The following MYO1D variants were observed in gnomAD, a reference collection of about 807,000 sequenced individuals.
MYO1D encodes the protein unconventional myosin-Id.
MYO1D carries 83 observed loss-of-function variants against 122.0 expected under a neutral mutation model. The observed-to-expected ratio is 0.68, with a 90% CI of 0.57 to 0.82. MYO1D has a LOEUF of 0.82. MYO1D is among the 40% of genes least tolerant of loss of function. The pLI is 0.00. For missense variants in MYO1D, 1,157 were observed against 1,269.5 expected, an observed-to-expected ratio of 0.91 and a Z score of 1.35; for synonymous variants, 464 against 446.9, an observed-to-expected ratio of 1.04 and a Z score of -0.48.
chr17:32,734,236 T>G (rs920850761), intron 14 of MYO1D, among the ~76,000 whole-genome samples: 8 of 152,176 alleles, frequency 5.3e-5, no homozygotes, highest in African/African-American at 1.9e-4. Flanking sequence ...TGAATTAATT[T>G]TGATAACTTT....
intron 16 of MYO1D, among the ~76,000 whole-genome samples, chr17:32,663,403 C>T (rs1373823236): frequency 6.6e-6 from 1 of 152,188 alleles, no homozygotes; most frequent in Non-Finnish European, 1.5e-5. Flanking sequence ...ATGGTTTATA[C>T]ACCTTATCCA....
chr17:32,668,238 G>A (rs1227090623), intron 16 of MYO1D, among the ~76,000 whole-genome samples: 1 of 152,178 alleles, frequency 6.6e-6, no homozygotes, highest in Non-Finnish European at 1.5e-5. Context: ...CATCTGAGCA[G>A]ATCCAAAGTG....
At position 32,843,441 on chromosome 17, in the gene MYO1D, C is replaced by T. The variant is rs148241317; in HGVS notation, c.95+33337G>A. Among the ~76,000 whole-genome samples the T allele has an allele frequency of 3.2e-4, 49 of 152,290 alleles. No individual in the cohort carries two copies. The East Asian group carries it at 8.5e-3, about 26-fold the overall frequency. On this transcript the variant is annotated intron_variant, in intron 1 of 21. Transcript: ENST00000318217. The stretch of plus-strand genomic sequence containing the variant: ...AAATGTATTCAAAGCTGCACAATAA[C>T]CTGCCAAATTAGTAATGGAATGTCA...
At chr17:32,677,351 A>C (rs2088827477) in intron 16 of MYO1D, among the ~76,000 whole-genome samples, 2 of 152,116 alleles carry the variant, frequency 1.3e-5, no homozygotes, top group African/African-American at 2.4e-5. Flanking sequence ...TCCATAATTA[A>C]AAATGTGTGA....
intron 14 of MYO1D, among the ~76,000 whole-genome samples, chr17:32,723,418 T>C (rs187005269): frequency 1.3e-5 from 2 of 152,208 alleles, no homozygotes; most frequent in Admixed American, 6.5e-5. Flanking sequence ...GCTGTTGCTA[T>C]GCAGAGGCCA....
At chr17:32,638,671 A>G (rs1247577280) in intron 20 of MYO1D, 51 bp downstream of exon 20, 1 of 1,319,162 alleles carries the variant, frequency 7.6e-7, no homozygotes, top group East Asian at 2.3e-5. Flanking sequence ...TTAGTGGTCC[A>G]TGAGCACCAG....
intron 14 of MYO1D, among the ~76,000 whole-genome samples, chr17:32,733,731 G>A (rs916860472): frequency 5.3e-5 from 8 of 152,048 alleles, no homozygotes; most frequent in Non-Finnish European, 2.9e-5. Context: ...GCAGCTTTAG[G>A]GGTTTTTTCC....
intron 16 of MYO1D, among the ~76,000 whole-genome samples, chr17:32,678,012 T>C (rs1452170969): frequency 1.3e-5 from 2 of 152,150 alleles, no homozygotes; most frequent in Non-Finnish European, 2.9e-5. Context: ...CACTGAACCT[T>C]GAAGAAATGG....
intron 21 of MYO1D, among the ~76,000 whole-genome samples, chr17:32,559,877 T>G (rs1352399595): frequency 2.6e-5 from 4 of 152,242 alleles, no homozygotes; most frequent in Non-Finnish European, 5.9e-5. Flanking sequence ...TTCTTGACTC[T>G]TCAGTGTCAC....
chr17:32,730,735 T>C (rs1316826837), intron 14 of MYO1D, among the ~76,000 whole-genome samples: 1 of 152,144 alleles, frequency 6.6e-6, no homozygotes, highest in Non-Finnish European at 1.5e-5. Flanking sequence ...ATATGCAGAT[T>C]TCTTTTAATT....
intron 1 of MYO1D, among the ~76,000 whole-genome samples, chr17:32,824,740 A>T (rs892235960): frequency 6.6e-6 from 1 of 152,214 alleles, no homozygotes; most frequent in Admixed American, 6.5e-5. Flanking sequence ...ATAGAAAACA[A>T]ACCATATACA....
At chr17:32,568,956 T>C (rs2087198608) in intron 21 of MYO1D, among the ~76,000 whole-genome samples, 1 of 152,208 alleles carries the variant, frequency 6.6e-6, no homozygotes, top group Non-Finnish European at 1.5e-5. Context: ...GACTGGGAAC[T>C]CCTTGAGGTT....
chr17:32,864,007 C>CTTTTTTTTTCTTT (rs2091101137), intron 1 of MYO1D, among the ~76,000 whole-genome samples: 1 of 48,960 alleles, frequency 2.0e-5, no homozygotes, highest in Non-Finnish European at 3.5e-5. Flanking sequence ...ACATTTCTTC[C>CTTTTTTTTTCTTT]TTTTTTTTTT....
At chr17:32,567,811 G>A (rs1210662235) in intron 21 of MYO1D, among the ~76,000 whole-genome samples, 1 of 152,158 alleles carries the variant, frequency 6.6e-6, no homozygotes, top group Non-Finnish European at 1.5e-5. Flanking sequence ...CATCATTGAG[G>A]CTGTGTCCGG....
At chr17:32,590,360 T>C (rs1296471040) in intron 21 of MYO1D, among the ~76,000 whole-genome samples, 2 of 152,234 alleles carry the variant, frequency 1.3e-5, no homozygotes, top group African/African-American at 4.8e-5. Context: ...TCATTTGCTC[T>C]GCCAGGGATC....
intron 7 of MYO1D, among the ~76,000 whole-genome samples, chr17:32,765,916 G>A (rs144716455): frequency 1.6e-3 from 240 of 149,920 alleles, no homozygotes; most frequent in African/African-American, 5.5e-3. Context: ...TTGAGACAGG[G>A]TCTGTCACCC....
At position 32,748,993 on chromosome 17, in the gene MYO1D, T is replaced by C. The variant is rs2089870097; in HGVS notation, c.1481A>G (p.Asp494Gly). 6.2e-7 allele frequency: 1 copy of C among 1,613,546 alleles called. No homozygotes were observed. Among genetic ancestry groups the C allele is most frequent in the Non-Finnish European group, 8.5e-7 (1 of 1,179,484 alleles). Residue 494 changes from aspartate to glycine, a missense_variant, in exon 12 of 22, where the codon GAC (aspartate) becomes GGC (glycine). By Grantham distance (94) the Asp-to-Gly change is moderately conservative. Coordinates refer to ENST00000318217, the MANE Select transcript of MYO1D (RefSeq NM_015194.3). ...HFSSRKLCAS[D>G]KILEFDRDFR... Reference sequence around the variant, plus strand: ...ATCTCGATCAAACTCCAGAATTTTGTCTGAGGCACAGAGCTAAGGAATCAA... The same window carrying C: ...ATCTCGATCAAACTCCAGAATTTTGCCTGAGGCACAGAGCTAAGGAATCAA...
At chr17:32,746,886 C>T (rs2089843665) in intron 12 of MYO1D, among the ~76,000 whole-genome samples, 1 of 152,176 alleles carries the variant, frequency 6.6e-6, no homozygotes, top group African/African-American at 2.4e-5. Context: ...ACTCATTCTG[C>T]ATAAGTTTCT....
chr17:32,596,520 A>G (rs1201507476), intron 21 of MYO1D, among the ~76,000 whole-genome samples: 2 of 152,218 alleles, frequency 1.3e-5, no homozygotes, highest in Non-Finnish European at 2.9e-5. Context: ...TGGCCTGCTT[A>G]TCGGTATGGG....
Sources: gnomAD v4.1 joint callset for allele counts (sites outside exome capture counted in the v4.1 genomes callset) on GRCh38, gnomAD v4.1.1 for gene constraint, MANE v1.5 for transcripts, NCBI Gene and HGNC (gene_info 2026-07-23, HGNC 2026-07-21) for gene names.